The following KDM4D variants were observed in gnomAD, a reference collection of about 807,000 sequenced individuals.
The protein encoded by KDM4D is lysine-specific demethylase 4D.
For missense variants in KDM4D, 427 were observed against 674.8 expected, an observed-to-expected ratio of 0.63 and a Z score of 4.07; for synonymous variants, 254 against 249.1, an observed-to-expected ratio of 1.02 and a Z score of -0.19.
chr11:94,997,299 T>C lies in KDM4D; in HGVS notation c.-74T>C. 6 of 1,286,104 alleles carry C rather than the reference T, an allele frequency of 4.7e-6. No homozygotes were observed. Among genetic ancestry groups the C allele is most frequent in the Non-Finnish European group, 5.2e-6 (5 of 955,554 alleles). The allele number at this position is 1,286,104 out of a possible 1,614,324, so 79.7% of individuals were successfully genotyped here. A position where few individuals can be genotyped will look rare whatever the true frequency, so the allele number is the denominator to read the frequency against. Reference sequence around the variant, plus strand: ...CATAGATAACACCAGTCAAATTTTTTTTTAAAGTAGCATTTTCCTACATTG... The same window carrying C: ...CATAGATAACACCAGTCAAATTTTTCTTTAAAGTAGCATTTTCCTACATTG... On this transcript the variant is annotated 5_prime_UTR_variant, in exon 3 of 3. Transcript: ENST00000335080.
chr11:94,996,166 A>G (rs1857974435), intron 2 of KDM4D, among the ~76,000 whole-genome samples: 1 of 152,120 alleles, frequency 6.6e-6, no homozygotes, highest in African/African-American at 2.4e-5. Context: ...TTTTAATACA[A>G]TGAAATATGC....
intron 2 of KDM4D, among the ~76,000 whole-genome samples, chr11:94,982,695 A>G (rs1487286524): frequency 1.3e-5 from 2 of 151,962 alleles, no homozygotes; most frequent in Non-Finnish European, 2.9e-5. Flanking sequence ...AAGGTTTGAA[A>G]AGGGATGTAA....
Position 94,987,423 on chromosome 11 carries a change from C to T in KDM4D, c.-349-9601C>T, listed in dbSNP as rs1018940497. 1.3e-5 allele frequency among the ~76,000 whole-genome samples: 2 copies of T among 152,002 alleles called. 1 individual carries two copies. The highest frequency in any genetic ancestry group is 4.2e-4 in the South Asian group (2 of 4,818). On this transcript the variant is annotated intron_variant, in intron 2 of 2. Coordinates refer to ENST00000335080, the MANE Select transcript of KDM4D (RefSeq NM_018039.3). ...GTTTTTGTTTCTCAAAACAAAAACT[C>T]GGACACCACAAATTTGGGCCCCAAT... is the stretch of plus-strand genomic sequence containing the variant.
In KDM4D at chr11:94,998,584, A is replaced by G. The variant is rs1555099589; in HGVS notation, c.1212A>G (p.Ser404=). 1.1e-5 allele frequency: 17 copies of G among 1,613,460 alleles called. No homozygotes were observed. Among genetic ancestry groups the G allele is most frequent in the Non-Finnish European group, 1.4e-5 (17 of 1,179,942 alleles). Residue 404 remains serine, a synonymous_variant, in exon 3 of 3, where the codon TCA becomes TCG. Transcript: ENST00000335080. The surrounding 1 kb of genome is among the most constrained non-coding windows in gnomAD (Gnocchi z 6.7). ...GGTGCCACACCCTTGTGTGCTCTTC[A>G]CTCCCACGCCGATCTGCAGTTAGTG... ...GTRCHTLVCS[S]LPRRSAVSGT...
intron 2 of KDM4D, among the ~76,000 whole-genome samples, chr11:94,983,192 A>T (rs190624714): frequency 2.2e-4 from 34 of 152,158 alleles, no homozygotes; most frequent in African/African-American, 7.9e-4. Context: ...AAAGACATCT[A>T]TCCTTACATT....
chr11:94,997,580 T>A lies in KDM4D; in HGVS notation c.208T>A (p.Leu70Ile), dbSNP rs1555099356. 6.2e-7 allele frequency: 1 copy of A among 1,613,838 alleles called. No individual in the cohort carries two copies. The highest frequency in any genetic ancestry group is 8.5e-7 in the Non-Finnish European group (1 of 1,179,938). Residue 70 changes from leucine to isoleucine, a missense_variant, in exon 3 of 3, where the codon TTA becomes ATA. Physicochemically the swap from Leu to Ile is conservative, Grantham distance 5 (BLOSUM62 2). Coordinates refer to ENST00000335080, the MANE Select transcript of KDM4D (RefSeq NM_018039.3). Reference sequence around the variant, plus strand: ...GACCTATGATAATATCAGTGAAATCTTAATAGCCACTCCCCTCCAGCAGGT... The same window carrying A: ...GACCTATGATAATATCAGTGAAATCATAATAGCCACTCCCCTCCAGCAGGT... ...RETYDNISEI[L>I]IATPLQQVAS...
At chr11:94,982,145 A>G (rs1257885160) in intron 2 of KDM4D, among the ~76,000 whole-genome samples, 1 of 151,784 alleles carries the variant, frequency 6.6e-6, no homozygotes, top group African/African-American at 2.4e-5. Flanking sequence ...TGATATTACT[A>G]ACTTCATTGT....
At chr11:94,987,436 T>C (rs1857897534) in intron 2 of KDM4D, among the ~76,000 whole-genome samples, 1 of 152,158 alleles carries the variant, frequency 6.6e-6, no homozygotes, top group East Asian at 1.9e-4. Context: ...ACACCACAAA[T>C]TTGGGCCCCA....
intron 2 of KDM4D, among the ~76,000 whole-genome samples, chr11:94,994,029 A>C (rs879968641): frequency 6.6e-6 from 1 of 152,140 alleles, no homozygotes; most frequent in African/African-American, 2.4e-5. Context: ...GTCTCGCTTG[A>C]GTAGTGACAG....
chr11:94,982,788 T>G (rs868996153), intron 2 of KDM4D, among the ~76,000 whole-genome samples: 1 of 151,974 alleles, frequency 6.6e-6, no homozygotes, highest in Middle Eastern at 3.2e-3. Context: ...CCTAAGGTTT[T>G]ATCTAAGAAA....
At chr11:94,994,392 T>C (rs182184852) in intron 2 of KDM4D, among the ~76,000 whole-genome samples, 3 of 152,098 alleles carry the variant, frequency 2.0e-5, no homozygotes, top group African/African-American at 7.2e-5. Context: ...TTGGAGAAAG[T>C]TATGACAATA....
intron 2 of KDM4D, among the ~76,000 whole-genome samples, chr11:94,991,477 A>G (rs371171037): frequency 1.3e-5 from 2 of 152,190 alleles, no homozygotes; most frequent in Non-Finnish European, 2.9e-5. Context: ...CTAGAGAGGT[A>G]AAAGAAGAAA....
At position 94,998,313 on chromosome 11, in the gene KDM4D, A is replaced by C; in HGVS notation, c.941A>C (p.Glu314Ala). ...GKMASQCSCG[E>A]ARVTFSMDAF... ...ATGGCCTCCCAGTGTAGCTGTGGGG[A>C]GGCAAGGGTGACCTTTTCCATGGAT... Residue 314 changes from glutamate to alanine, a missense_variant, in exon 3 of 3, where the codon GAG (glutamate) becomes GCG (alanine). Glu to Ala is a moderately radical substitution (Grantham distance 107). Coordinates refer to ENST00000335080, the MANE Select transcript of KDM4D (RefSeq NM_018039.3). This position sits in a 1 kb window ranked among gnomAD's most constrained non-coding sequence, Gnocchi z 6.7. The C allele has an allele frequency of 6.2e-7, 1 of 1,614,072 alleles. No homozygotes were observed. Among genetic ancestry groups the C allele is most frequent in the Admixed American group, 1.7e-5 (1 of 60,006 alleles).
chr11:94,988,568 G>T (rs1356849369), intron 2 of KDM4D, among the ~76,000 whole-genome samples: 14 of 152,194 alleles, frequency 9.2e-5, no homozygotes, highest in Non-Finnish European at 1.5e-5. Flanking sequence ...GGCAGTGAGA[G>T]ACAGTGACCT....
intron 2 of KDM4D, among the ~76,000 whole-genome samples, chr11:94,987,448 TATCAAAGG>T (rs1857897678): frequency 6.6e-6 from 1 of 152,144 alleles, no homozygotes; most frequent in Non-Finnish European, 1.5e-5. Flanking sequence ...TGGGCCCCAA[TATCAAAGG>T]AGATAAACAT....
rs781855048 is a variant in KDM4D, at chr11:94,998,381, A to G, written c.1009A>G (p.Lys337Glu). The change falls in exon 3 of 3, where the codon AAA becomes GAA. Residue 337 changes from lysine to glutamate, a missense_variant. By Grantham distance (56) the Lys-to-Glu change is moderately conservative. Coordinates refer to ENST00000335080, the MANE Select transcript of KDM4D (RefSeq NM_018039.3). This position sits in a 1 kb window ranked among gnomAD's most constrained non-coding sequence, Gnocchi z 6.7. ...ILQPERYDLW[K>E]RGQDRAVVDH... is the part of the protein sequence containing the mutation. ...GCAACCTGAACGCTATGACCTGTGG[A>G]AACGTGGGCAAGACCGGGCAGTTGT... The G allele has an allele frequency of 6.2e-7, 1 of 1,614,120 alleles. No individual in the cohort carries two copies. Among genetic ancestry groups the G allele is most frequent in the Non-Finnish European group, 8.5e-7 (1 of 1,180,022 alleles).
chr11:94,991,329 G>A lies in KDM4D; in HGVS notation c.-349-5695G>A, dbSNP rs140368964. 1.6e-4 allele frequency among the ~76,000 whole-genome samples: 24 copies of A among 151,982 alleles called. No individual in the cohort carries two copies. The East Asian group carries it at 4.5e-3, about 28-fold the overall frequency. On this transcript the variant is annotated intron_variant, in intron 2 of 2. Transcript: ENST00000335080. ...TACTAAAGGCTACCAGACATGTGAG[G>A]AAAGCCTTAAATATGAAAGAGACCA...
At chr11:94,976,431 A>G (rs1331051546) in intron 2 of KDM4D, among the ~76,000 whole-genome samples, 2 of 152,148 alleles carry the variant, frequency 1.3e-5, no homozygotes, top group African/African-American at 4.8e-5. Flanking sequence ...CCGCAGATCT[A>G]TCGAGCTGCC....
At chr11:94,995,031 A>T (rs183806100) in intron 2 of KDM4D, among the ~76,000 whole-genome samples, 34 of 152,312 alleles carry the variant, frequency 2.2e-4, no homozygotes, top group African/African-American at 7.9e-4. Context: ...GGGTGTAATC[A>T]ATAGGTGACA....
Sources: gnomAD v4.1 joint callset for allele counts (sites outside exome capture counted in the v4.1 genomes callset) on GRCh38, gnomAD v4.1.1 for gene constraint, Gnocchi (gnomAD v3.1) non-coding constraint, MANE v1.5 for transcripts, NCBI Gene and HGNC (gene_info 2026-07-23, HGNC 2026-07-21) for gene names.